IGLL1: variants seen among roughly 807,000 people sequenced by gnomAD.
IGLL1 encodes immunoglobulin lambda-like polypeptide 1.
IGLL1 carries 10 observed loss-of-function variants against 10.5 expected under a neutral mutation model. The ratio of observed to expected loss-of-function variants is 0.95; its 90% CI spans 0.59 to 1.62. IGLL1 has a LOEUF of 1.62. Ranked by LOEUF, IGLL1 falls within the 40% of genes most tolerant of loss-of-function variation. The pLI is 0.00. For synonymous variants in IGLL1, 141 were observed against 122.7 expected (o/e 1.15, Z -0.99); for missense variants, 284 against 278.7 (o/e 1.02, Z -0.14).
chr22:23,579,964 C>G (rs750628987), intron 1 of IGLL1, 21 bp downstream of exon 1: 14 of 1,558,610 alleles, frequency 9.0e-6, no homozygotes, highest in Non-Finnish European at 1.2e-5. Flanking sequence ...CCCACATCCC[C>G]TGGAATCTCT....
In IGLL1 at chr22:23,573,390, T is replaced by C. The variant is rs1924881011; in HGVS notation, c.518A>G (p.Tyr173Cys). The C allele has an allele frequency of 6.2e-7, 1 of 1,614,004 alleles. No homozygotes were observed. The highest frequency in any genetic ancestry group is 8.5e-7 in the Non-Finnish European group (1 of 1,180,008). ...CAGGCTCAGGTAGCTGCTGGCCGCG[T>C]ACTTGTTGTTGCTCTGTTTGGAGGG... ...TTPSKQSNNK[Y>C]AASSYLSLTP... Residue 173 changes from tyrosine (Y) to cysteine (C), a missense_variant, in exon 3 of 3, where the codon TAC becomes TGC. Transcript: ENST00000330377.
In IGLL1 at chr22:23,580,155, G is replaced by A. The variant is rs556803233; in HGVS notation, c.36C>T (p.Ala12=). 60 of 1,549,050 alleles carry A rather than the reference G, an allele frequency of 3.9e-5. No individual in the cohort carries two copies. In the African/African-American group the frequency reaches 6.6e-4, roughly 17 times the overall value. ...TGAGGTTGGGGCCTGGCTCACCAGG[G>A]GCCTCAAGGCCCCCCTGGCCTGTCC... ...RPGTGQGGLE[A]PGEPGPNLRQ... Residue 12 remains alanine, a synonymous_variant, in exon 1 of 3, where the codon GCC becomes GCT. Transcript: ENST00000330377.
intron 1 of IGLL1, among the ~76,000 whole-genome samples, chr22:23,576,565 G>A (rs571967346): frequency 1.3e-4 from 20 of 152,046 alleles, no homozygotes; most frequent in African/African-American, 4.8e-4. Flanking sequence ...CGAGTAGCTG[G>A]GATTACAGGC....
Position 23,575,035 on chromosome 22 carries a change from C to A in IGLL1, c.254G>T (p.Arg85Leu), listed in dbSNP as rs200178386. The A allele has an allele frequency of 4.9e-4, 790 of 1,613,996 alleles. 10 individuals are homozygous for A. The South Asian group carries it at 8.3e-3, about 17-fold the overall frequency. ...GSWTGPRCWP[R>L]GFQSKHNSVT... ...TGAGTTATGCTTGGATTGAAACCCC[C>A]GGGGCCAGCACCTGGGGCCAGTCCA... Residue 85 changes from arginine (R) to leucine (L), a missense_variant, in exon 2 of 3, where the codon CGG (arginine) becomes CTG (leucine). Physicochemically the swap from Arg to Leu is moderately radical, Grantham distance 102. Transcript: ENST00000330377.
intron 1 of IGLL1, among the ~76,000 whole-genome samples, chr22:23,579,135 G>A (rs1165714870): frequency 1.3e-5 from 2 of 151,878 alleles, no homozygotes; most frequent in East Asian, 1.9e-4. Context: ...TCACCTCTCC[G>A]GGCTCTATCC....
rs1011988429 is a variant in IGLL1 at position 23,573,345 on chromosome 22, G to C, written c.563C>G (p.Ser188Cys). 1 of 1,613,988 alleles carries C rather than the reference G, an allele frequency of 6.2e-7. No homozygotes were observed. Among genetic ancestry groups the C allele is most frequent in the Non-Finnish European group, 8.5e-7 (1 of 1,180,026 alleles). ...YLSLTPEQWR[S>C]RRSYSCQVMH... ...GACCTGGCAGCTGTAGCTTCTGCGGGACCTCCACTGCTCGGGCGTCAGGCT... is the reference window on the plus strand; with the variant it reads ...GACCTGGCAGCTGTAGCTTCTGCGGCACCTCCACTGCTCGGGCGTCAGGCT... Residue 188 changes from serine (S) to cysteine (C), a missense_variant, in exon 3 of 3, where the codon TCC becomes TGC. By Grantham distance (112) the Ser-to-Cys change is moderately radical. Coordinates refer to ENST00000330377, the MANE Select transcript of IGLL1 (RefSeq NM_020070.4).
intron 1 of IGLL1, among the ~76,000 whole-genome samples, chr22:23,577,383 A>G: frequency 6.6e-6 from 1 of 152,314 alleles, no homozygotes; most frequent in East Asian, 1.9e-4. Flanking sequence ...CTAAAAAAAT[A>G]AATAAAACAA....
intron 1 of IGLL1, among the ~76,000 whole-genome samples, chr22:23,575,340 T>G (rs1925008089): frequency 6.6e-6 from 1 of 152,086 alleles, no homozygotes; most frequent in African/African-American, 2.4e-5. Context: ...TGAGGAGTCC[T>G]CAGCTGGCTC....
intron 1 of IGLL1, among the ~76,000 whole-genome samples, chr22:23,578,896 G>A (rs1340295438): frequency 3.9e-5 from 6 of 152,136 alleles, no homozygotes; most frequent in African/African-American, 7.2e-5. Flanking sequence ...GGAGACGGAG[G>A]TTTCAATGAG....
At chr22:23,574,779 T>G (rs950757242) in intron 2 of IGLL1, among the ~76,000 whole-genome samples, 188 bp downstream of exon 2, 3 of 152,108 alleles carry the variant, frequency 2.0e-5, no homozygotes, top group African/African-American at 7.2e-5. Flanking sequence ...TGAAGGCGGC[T>G]GCTCCCACTG....
rs188657343 is a variant in IGLL1 at position 23,575,497 on chromosome 22, C to T, written c.207-415G>A. On this transcript the variant is annotated intron_variant, in intron 1 of 2. Transcript: ENST00000330377. ...GAGAGTCCTCTGCTTTTATATCTAC[C>T]CATGGAGATGCAGCTCAGTCTCACT... is the stretch of plus-strand genomic sequence containing the variant. Among the ~76,000 whole-genome samples the T allele has an allele frequency of 1.2e-3, 180 of 152,306 alleles. 1 individual carries two copies. The highest frequency in any genetic ancestry group is 3.9e-3 in the African/African-American group (160 of 41,546).
intron 1 of IGLL1, among the ~76,000 whole-genome samples, chr22:23,577,315 T>C (rs1925106504): frequency 6.6e-6 from 1 of 151,632 alleles, no homozygotes; most frequent in Admixed American, 6.6e-5. Flanking sequence ...GAGGCAGGGA[T>C]ATTGCTTGAG....
chr22:23,577,035 G>A (rs2123701011), intron 1 of IGLL1, among the ~76,000 whole-genome samples: 1 of 152,228 alleles, frequency 6.6e-6, no homozygotes, highest in East Asian at 1.9e-4. Context: ...TAAGTATAAT[G>A]TCTTCAGGTT....
In IGLL1 at chr22:23,575,059, C is replaced by T. The variant is rs759328026; in HGVS notation, c.230G>A (p.Trp77Ter). 6.2e-6 allele frequency: 10 copies of T among 1,613,948 alleles called. No homozygotes were observed. Reference protein sequence around the residue: ...WGRFLLQRGSWTGPRCWPRGF... With the variant: ...WGRFLLQRGS ...CCGGGGCCAGCACCTGGGGCCAGTC[C>T]AGGAGCCGCGCTGGAGCAGGAACCT... The change falls in exon 2 of 3, where the codon TGG becomes TAG. Residue 77 changes from tryptophan (W) to a stop codon, truncating the protein, a stop_gained. Coordinates refer to ENST00000330377, the MANE Select transcript of IGLL1 (RefSeq NM_020070.4). LOFTEE classifies it high-confidence loss of function.
At chr22:23,577,114 T>C (rs1842647919) in intron 1 of IGLL1, among the ~76,000 whole-genome samples, 1 of 152,208 alleles carries the variant, frequency 6.6e-6, no homozygotes, top group African/African-American at 2.4e-5. Context: ...TATTAAGACC[T>C]ATTAAAAATA....
intron 1 of IGLL1, among the ~76,000 whole-genome samples, chr22:23,577,726 G>T (rs1176415587): frequency 1.3e-5 from 2 of 151,718 alleles, no homozygotes; most frequent in Non-Finnish European, 2.9e-5. Context: ...TGTAGAAATG[G>T]GGTCTTGCTA....
At chr22:23,576,492 G>A (rs1925074705) in intron 1 of IGLL1, among the ~76,000 whole-genome samples, 1 of 151,714 alleles carries the variant, frequency 6.6e-6, no homozygotes, top group African/African-American at 2.4e-5. Context: ...GTGCAATGGT[G>A]CCACCTTGGC....
intron 1 of IGLL1, among the ~76,000 whole-genome samples, chr22:23,576,507 C>T (rs1276303218): frequency 1.3e-5 from 2 of 151,920 alleles, no homozygotes; most frequent in African/African-American, 4.8e-5. Context: ...CTTGGCTCAC[C>T]GCAACCTCCA....
intron 1 of IGLL1, among the ~76,000 whole-genome samples, chr22:23,577,784 C>G (rs1569071565): frequency 6.6e-6 from 1 of 152,102 alleles, no homozygotes; most frequent in Non-Finnish European, 1.5e-5. Flanking sequence ...AATCCCGCCT[C>G]AGCCTCCCAA....
Sources: gnomAD v4.1 joint callset for allele counts (sites outside exome capture counted in the v4.1 genomes callset) on GRCh38, gnomAD v4.1.1 for gene constraint, MANE v1.5 for transcripts, NCBI Gene and HGNC (gene_info 2026-07-23, HGNC 2026-07-21) for gene names.